TMEM175: variants seen among roughly 807,000 people sequenced by gnomAD.
The protein encoded by TMEM175 is transmembrane protein 175.
A neutral mutation model predicts 36.5 loss-of-function variants in TMEM175; 36 were observed. The ratio of observed to expected loss-of-function variants is 0.99; its 90% CI spans 0.76 to 1.30. The LOEUF is 1.30. Among genes scored for constraint, TMEM175 ranks in the 50% most tolerant of loss-of-function variants. The pLI is 0.00. For missense variants in TMEM175, 705 were observed against 692.8 expected (o/e 1.02, Z -0.20); for synonymous variants, 339 against 313.4 (o/e 1.08, Z -0.86).
rs532534926 is a variant in TMEM175 at position 948,501 on chromosome 4, G to A, written c.192+347G>A. ...CCCCAAGGACAGAAGTTTCCTCTGC[G>A]GGAGGGCAGCTGCCCCAGCAGGCAG... On this transcript the variant is annotated intron_variant, in intron 3 of 10. Transcript: ENST00000264771. 2.8e-4 allele frequency: 393 copies of A among 1,412,154 alleles called. 2 individuals are homozygous for A. In the South Asian group the frequency reaches 3.5e-3, roughly 13 times the overall value. 87.5% of individuals were successfully genotyped at this position (1,412,154 alleles called of 1,614,324 possible).
In TMEM175 at chr4:955,755, G is replaced by A. The variant is rs771070940; in HGVS notation, c.707G>A (p.Gly236Asp). The change falls in exon 10 of 11, where the codon GGC (glycine) becomes GAC (aspartate). Residue 236 changes from glycine to aspartate, a missense_variant and splice_region_variant. Gly to Asp is a moderately conservative substitution (Grantham distance 94, BLOSUM62 -1). Transcript: ENST00000264771. ...CTCCACCCTCCTGGCGTGTCCCCAG[G>A]CCACAGGGAGCCCTCGGCTCACCCA... The part of the protein sequence containing the change: ...VTGWCRDRLL[G>D]HREPSAHPVE... 2.6e-5 allele frequency: 42 copies of A among 1,613,124 alleles called. No homozygotes were observed. In the South Asian group the frequency reaches 4.4e-4, roughly 17 times the overall value.
chr4:945,014 G>A (rs758938682), intron 1 of TMEM175, among the ~76,000 whole-genome samples: 7 of 152,080 alleles, frequency 4.6e-5, no homozygotes, highest in Non-Finnish European at 1.0e-4. Flanking sequence ...GAGGTGGGAG[G>A]ATCACTTGAG....
rs531674316 is a variant in TMEM175, at chr4:954,122, G to A, written c.627+768G>A. On this transcript the variant is annotated intron_variant, in intron 8 of 10. Transcript: ENST00000264771. ...TCCTGCCTCAGCCTCCTGAGTAGCCGGGATTACAGGTGCCTGCCACCACCC... is the reference window on the plus strand; with the variant it reads ...TCCTGCCTCAGCCTCCTGAGTAGCCAGGATTACAGGTGCCTGCCACCACCC... Among the ~76,000 whole-genome samples, 24 of 151,926 alleles carry A rather than the reference G, an allele frequency of 1.6e-4. 1 individual carries two copies. Among genetic ancestry groups the A allele is most frequent in the South Asian group, 2.1e-4 (1 of 4,818 alleles).
rs572218129 is a variant in TMEM175 at position 954,536 on chromosome 4, C to T, written c.628-869C>T. On this transcript the variant is annotated intron_variant, in intron 8 of 10. Transcript: ENST00000264771. ...GACGTGTAGCTGCCGTGAGTGGCGC[C>T]GGTGTGAGCATTGTTGCGTGTGGAG... 3.9e-4 allele frequency among the ~76,000 whole-genome samples: 59 copies of T among 152,128 alleles called. 1 individual carries two copies. In the South Asian group the frequency reaches 8.5e-3, roughly 22 times the overall value.
intron 6 of TMEM175, 123 bp from the exon 7 acceptor site, chr4:952,244 G>A: frequency 1.2e-6 from 1 of 849,294 alleles, no homozygotes; most frequent in Admixed American, 2.1e-5. Context: ...GCCATCCTGT[G>A]ATGGCCCCAC....
chr4:951,847 C>G, intron 6 of TMEM175, 130 bp downstream of exon 6: 1 of 1,034,210 alleles, frequency 9.7e-7, no homozygotes, highest in Non-Finnish European at 1.5e-6. Context: ...AGAGAAGGTT[C>G]TGGGGAGAGC....
chr4:941,977 T>C (rs1727571345), intron 1 of TMEM175, among the ~76,000 whole-genome samples: 1 of 152,202 alleles, frequency 6.6e-6, no homozygotes, highest in Middle Eastern at 3.2e-3. Flanking sequence ...TTTTATAGTT[T>C]TAACTCTTAC....
intron 1 of TMEM175, among the ~76,000 whole-genome samples, chr4:934,803 G>C (rs574919820): frequency 8.5e-5 from 13 of 152,186 alleles, no homozygotes; most frequent in Non-Finnish European, 1.8e-4. Context: ...CTATCTCTTA[G>C]AACATAGGAG....
chr4:952,534 G>A (rs372346021), intron 7 of TMEM175, 84 bp downstream of exon 7: 30 of 1,375,130 alleles, frequency 2.2e-5, no homozygotes, highest in East Asian at 9.7e-5. Context: ...CATCGGGGTC[G>A]TGCAGGTAGG....
chr4:947,269 G>A (rs191321784), intron 1 of TMEM175, among the ~76,000 whole-genome samples: 55 of 142,992 alleles, frequency 3.8e-4, no homozygotes, highest in African/African-American at 1.3e-3. Flanking sequence ...GGGAGAGCGC[G>A]GCCCTGTAGA....
At chr4:938,458 C>T (rs1055963534) in intron 1 of TMEM175, among the ~76,000 whole-genome samples, 2 of 151,880 alleles carry the variant, frequency 1.3e-5, no homozygotes, top group African/African-American at 2.4e-5. Context: ...GAGCTGAGAT[C>T]GCACCACTGT....
intron 3 of TMEM175, chr4:948,722 AC>A: frequency 8.7e-7 from 1 of 1,145,550 alleles, no homozygotes; most frequent in Non-Finnish European, 1.1e-6. Context: ...TCTGGGGCCC[AC>A]ACCTGCCTGG....
chr4:937,054 CTTT>C (rs902265587), intron 1 of TMEM175, among the ~76,000 whole-genome samples: 4 of 148,652 alleles, frequency 2.7e-5, no homozygotes, highest in Non-Finnish European at 6.0e-5. Flanking sequence ...ATCTAACCAT[CTTT>C]TTTTTTTGAG....
intron 10 of TMEM175, 156 bp downstream of exon 10, chr4:956,046 T>G: frequency 1.0e-6 from 1 of 958,054 alleles, no homozygotes. Context: ...CAGCCCCCAC[T>G]TCAGGGAGGA....
At chr4:933,001 G>T (rs1300807298) in intron 1 of TMEM175, among the ~76,000 whole-genome samples, 1 of 152,200 alleles carries the variant, frequency 6.6e-6, no homozygotes, top group Non-Finnish European at 1.5e-5. Context: ...GACCCTCAAG[G>T]TTCGTTCTCA....
intron 7 of TMEM175, 68 bp from the exon 8 acceptor site, chr4:953,122 G>T: frequency 2.0e-6 from 3 of 1,500,620 alleles, no homozygotes; most frequent in Non-Finnish European, 2.7e-6. Flanking sequence ...ATGCAGCCCG[G>T]GGGTTGACTG....
At chr4:951,468 G>C (rs746674158) in intron 5 of TMEM175, among the ~76,000 whole-genome samples, 1 of 152,210 alleles carries the variant, frequency 6.6e-6, no homozygotes. Flanking sequence ...CAGGGTGTGG[G>C]GGACCAGGGG....
At chr4:957,747 C>T (rs1430824153) in intron 10 of TMEM175, 77 bp from the exon 11 acceptor site, 1 of 1,445,458 alleles carries the variant, frequency 6.9e-7, no homozygotes. Flanking sequence ...GCAGCCCTGA[C>T]AGGCGCTCAG....
intron 8 of TMEM175, among the ~76,000 whole-genome samples, chr4:954,339 T>A (rs1729347943): frequency 6.6e-6 from 1 of 152,220 alleles, no homozygotes; most frequent in African/African-American, 2.4e-5. Context: ...ACAGTAAACA[T>A]CAAACAGTGT....
Sources: gnomAD v4.1 joint callset for allele counts (sites outside exome capture counted in the v4.1 genomes callset) on GRCh38, gnomAD v4.1.1 for gene constraint, MANE v1.5 for transcripts, NCBI Gene and HGNC (gene_info 2026-07-23, HGNC 2026-07-21) for gene names.